Variants in SRBD1 observed in about 807,000 individuals in gnomAD.
SRBD1 encodes S1 RNA-binding domain-containing protein 1.
In SRBD1, 88 loss-of-function variants were observed where a neutral mutation model predicts 115.3. The observed-to-expected ratio is 0.76, with a 90% CI of 0.64 to 0.91. The LOEUF (loss-of-function observed/expected upper bound fraction) is 0.91. Ranked by LOEUF, SRBD1 falls within the 40% of genes least tolerant of loss-of-function variation. The pLI is 0.00. For missense variants in SRBD1, 1,385 were observed against 1,177.4 expected, an observed-to-expected ratio of 1.18 and a Z score of -2.58; for synonymous variants, 509 against 407.7, an observed-to-expected ratio of 1.25 and a Z score of -2.99.
At chr2:45,471,959 A>T (rs896291993) in intron 16 of SRBD1, among the ~76,000 whole-genome samples, 9 of 152,186 alleles carry the variant, frequency 5.9e-5, no homozygotes, top group African/African-American at 2.2e-4. Flanking sequence ...TTAATAAATG[A>T]CCCAGCAAAT....
chr2:45,503,488 A>G (rs1670701202), intron 14 of SRBD1, among the ~76,000 whole-genome samples: 1 of 152,196 alleles, frequency 6.6e-6, no homozygotes, highest in South Asian at 2.1e-4. Context: ...GAACAAGCAT[A>G]TTATCTTAAA....
At chr2:45,445,975 T>C (rs1668811709) in intron 16 of SRBD1, among the ~76,000 whole-genome samples, 1 of 152,178 alleles carries the variant, frequency 6.6e-6, no homozygotes, top group African/African-American at 2.4e-5. Flanking sequence ...ATTAGGTGTC[T>C]TGAGTAAGAA....
At chr2:45,495,552 G>A (rs1045775202) in intron 14 of SRBD1, among the ~76,000 whole-genome samples, 1 of 151,610 alleles carries the variant, frequency 6.6e-6, no homozygotes, top group Non-Finnish European at 1.5e-5. Flanking sequence ...TTCTCTACCT[G>A]TATCTGATAC....
intron 16 of SRBD1, among the ~76,000 whole-genome samples, chr2:45,440,874 G>C (rs1668649909): frequency 6.6e-6 from 1 of 152,108 alleles, no homozygotes; most frequent in Non-Finnish European, 1.5e-5. Flanking sequence ...CAGAAATTTT[G>C]ACAGCCATGT....
intron 1 of SRBD1, among the ~76,000 whole-genome samples, chr2:45,605,692 T>TC (rs1278890103): frequency 6.6e-6 from 1 of 152,022 alleles, no homozygotes; most frequent in Non-Finnish European, 1.5e-5. Flanking sequence ...TCACCTGAAG[T>TC]CAGGAGTTCG....
intron 1 of SRBD1, among the ~76,000 whole-genome samples, chr2:45,606,021 GA>G (rs1323158110): frequency 6.6e-6 from 1 of 151,858 alleles, no homozygotes; most frequent in East Asian, 1.9e-4. Context: ...ACACCTGTAG[GA>G]AAACTGTGTG....
chr2:45,491,222 A>G (rs1407357764), intron 14 of SRBD1, among the ~76,000 whole-genome samples: 6 of 152,208 alleles, frequency 3.9e-5, no homozygotes, highest in Admixed American at 3.9e-4. Flanking sequence ...GAAATTTTCC[A>G]ATAAACTATT....
At chr2:45,393,166 A>G (rs895418884) in intron 19 of SRBD1, 37 bp from the exon 20 acceptor site, 11 of 1,555,318 alleles carry the variant, frequency 7.1e-6, no homozygotes, top group East Asian at 6.8e-5. Flanking sequence ...ACACTTAACA[A>G]TATTACTCCT....
At chr2:45,458,018 C>T (rs62127111) in intron 16 of SRBD1, among the ~76,000 whole-genome samples, 14,932 of 151,936 alleles carry the variant, frequency 0.098, 951 homozygotes, top group Non-Finnish European at 0.14. Context: ...CACATATTCT[C>T]TTTTAAAATA....
chr2:45,389,179 G>T lies in SRBD1; in HGVS notation c.*131C>A. ...TTCAGAAGAAAAAATAAAGGAAAGTGTTTGGAAAATATTTCTGATATTAAG... is the reference window on the plus strand; with the variant it reads ...TTCAGAAGAAAAAATAAAGGAAAGTTTTTGGAAAATATTTCTGATATTAAG... On this transcript the variant is annotated 3_prime_UTR_variant, in exon 21 of 21. Coordinates refer to ENST00000263736, the MANE Select transcript of SRBD1 (RefSeq NM_018079.5). 1 of 1,111,846 alleles carries T rather than the reference G, an allele frequency of 9.0e-7. No individual in the cohort carries two copies. The highest frequency in any genetic ancestry group is 1.3e-6 in the Non-Finnish European group (1 of 794,012). 68.9% of individuals were successfully genotyped at this position (1,111,846 alleles called of 1,614,324 possible).
chr2:45,405,488 G>A (rs188950600), intron 19 of SRBD1, among the ~76,000 whole-genome samples: 1 of 152,146 alleles, frequency 6.6e-6, no homozygotes, highest in Admixed American at 6.6e-5. Flanking sequence ...AAATGGAAAG[G>A]TTGGGCTAGA....
intron 10 of SRBD1, among the ~76,000 whole-genome samples, chr2:45,555,918 T>A (rs1412613892): frequency 6.6e-6 from 1 of 152,200 alleles, no homozygotes; most frequent in African/African-American, 2.4e-5. Flanking sequence ...ATCTACAGCA[T>A]CTCTGCCCTT....
intron 14 of SRBD1, among the ~76,000 whole-genome samples, chr2:45,528,373 G>C (rs1458426934): frequency 6.6e-6 from 1 of 151,782 alleles, no homozygotes; most frequent in Non-Finnish European, 1.5e-5. Flanking sequence ...ACATTTCAGA[G>C]ACAGAATCAA....
chr2:45,539,988 C>T (rs6544827), intron 14 of SRBD1, among the ~76,000 whole-genome samples: 42,521 of 151,928 alleles, frequency 0.28, 6,211 homozygotes, highest in African/African-American at 0.36. Flanking sequence ...AAAAAAGTGA[C>T]AGAATCATCA....
chr2:45,517,876 C>T (rs1006495922), intron 14 of SRBD1, among the ~76,000 whole-genome samples: 6 of 151,796 alleles, frequency 4.0e-5, no homozygotes, highest in African/African-American at 4.9e-5. Context: ...CAGCACGTGC[C>T]TGTACTCCCA....
intron 16 of SRBD1, among the ~76,000 whole-genome samples, chr2:45,429,466 T>A (rs1171789459): frequency 6.6e-6 from 1 of 151,506 alleles, no homozygotes; most frequent in Non-Finnish European, 1.5e-5. Context: ...TGGCTTCATC[T>A]CTGGGATGCA....
intron 4 of SRBD1, among the ~76,000 whole-genome samples, chr2:45,595,173 T>C (rs1673855178): frequency 6.6e-6 from 1 of 152,294 alleles, no homozygotes. Flanking sequence ...TAAAACTAAA[T>C]CAAGTGTTGA....
In SRBD1 at chr2:45,418,355, T is replaced by C. The variant is rs1425761426; in HGVS notation, c.2333+10A>G. On this transcript the variant is annotated intron_variant, in intron 18 of 20. Coordinates refer to ENST00000263736, the MANE Select transcript of SRBD1 (RefSeq NM_018079.5). Reference sequence around the variant, plus strand: ...TTGACAATAGAATCAAAGTGTATACTTATACTCACCTGCAAAACGTTCGGA... The same window carrying C: ...TTGACAATAGAATCAAAGTGTATACCTATACTCACCTGCAAAACGTTCGGA... The C allele has an allele frequency of 1.2e-6, 2 of 1,613,226 alleles. No individual in the cohort carries two copies. The highest frequency in any genetic ancestry group is 2.2e-5 in the South Asian group (2 of 91,012).
chr2:45,391,417 A>C (rs2103811250), intron 20 of SRBD1, among the ~76,000 whole-genome samples: 1 of 152,328 alleles, frequency 6.6e-6, no homozygotes, highest in African/African-American at 2.4e-5. Flanking sequence ...TAAGAAAGGA[A>C]ATACTTTTGA....
Sources: gnomAD v4.1 joint callset for allele counts (sites outside exome capture counted in the v4.1 genomes callset) on GRCh38, gnomAD v4.1.1 for gene constraint, MANE v1.5 for transcripts, NCBI Gene and HGNC (gene_info 2026-07-23, HGNC 2026-07-21) for gene names.